Variants in GAK observed in about 807,000 individuals in gnomAD.
GAK encodes cyclin-G-associated kinase.
GAK carries 79 observed loss-of-function variants against 143.9 expected under a neutral mutation model. The observed-to-expected ratio is 0.55, with a 90% CI of 0.46 to 0.66. The LOEUF (loss-of-function observed/expected upper bound fraction) is 0.66, where lower values mean the gene tolerates loss of function less well. Among genes scored for constraint, GAK ranks in the 30% least tolerant of loss-of-function variants. GAK has a pLI of 0.00. For synonymous variants in GAK, 881 were observed against 765.5 expected (o/e 1.15, Z -2.49); for missense variants, 1,693 against 1,779.7 (o/e 0.95, Z 0.88).
At chr4:907,269 C>G (rs183777553) in intron 4 of GAK, among the ~76,000 whole-genome samples, 7 of 152,242 alleles carry the variant, frequency 4.6e-5, no homozygotes, top group African/African-American at 1.4e-4. Context: ...CCCACTCCCC[C>G]AGCTCTGCCG....
At chr4:911,877 A>T in intron 3 of GAK, 90 bp from the exon 4 acceptor site, 1 of 988,870 alleles carries the variant, frequency 1.0e-6, no homozygotes, top group Non-Finnish European at 1.6e-6. Flanking sequence ...TAACACACTG[A>T]AGTCAGAATA....
At chr4:880,417 G>A (rs1377802284) in intron 15 of GAK, among the ~76,000 whole-genome samples, 2 of 152,172 alleles carry the variant, frequency 1.3e-5, no homozygotes, top group East Asian at 1.9e-4. Flanking sequence ...TCTTTCTCTC[G>A]TCTCCTCCAT....
intron 11 of GAK, chr4:886,797 CAG>C (rs1359279902): frequency 6.6e-6 from 1 of 152,316 alleles, no homozygotes; most frequent in Non-Finnish European, 1.5e-5. Context: ...ACCAGACAGA[CAG>C]AGCTGCCTCT....
At chr4:923,927 G>C (rs759768695) in intron 1 of GAK, among the ~76,000 whole-genome samples, 11 of 152,170 alleles carry the variant, frequency 7.2e-5, no homozygotes, top group Non-Finnish European at 1.2e-4. Context: ...GCTCATGCCT[G>C]TAATCCCAGC....
At position 877,174 on chromosome 4, in the gene GAK, A is replaced by T; in HGVS notation, c.1890T>A (p.Ile630=). The change falls in exon 17 of 28, where the codon ATT becomes ATA. Residue 630 remains isoleucine, a synonymous_variant. Coordinates refer to ENST00000314167, the MANE Select transcript of GAK (RefSeq NM_005255.4). The part of the protein sequence containing the change: ...DFKIEDGKAV[I]PLGVTVQGDV... Reference sequence around the variant, plus strand: ...CTCCTTGCACCGTGACGCCCAGGGGAATCACCGCTTTGCCATCTTCAATCT... The same window carrying T: ...CTCCTTGCACCGTGACGCCCAGGGGTATCACCGCTTTGCCATCTTCAATCT... The T allele has an allele frequency of 6.2e-7, 1 of 1,613,868 alleles. No homozygotes were observed. The highest frequency in any genetic ancestry group is 1.7e-4 in the Middle Eastern group (1 of 6,060).
At chr4:879,932 C>G (rs1288087472) in intron 15 of GAK, among the ~76,000 whole-genome samples, 1 of 152,254 alleles carries the variant, frequency 6.6e-6, no homozygotes, top group African/African-American at 2.4e-5. Flanking sequence ...AAGGCGTTCT[C>G]ATTTCGGGGA....
At chr4:895,188 C>T (rs1360435584) in intron 7 of GAK, among the ~76,000 whole-genome samples, 1 of 152,182 alleles carries the variant, frequency 6.6e-6, no homozygotes, top group African/African-American at 2.4e-5. Context: ...GGGTGTAGGG[C>T]ACAGGGCAGA....
At position 876,658 on chromosome 4, in the gene GAK, C is replaced by T. The variant is rs768547922; in HGVS notation, c.1975-49G>A. On this transcript the variant is annotated intron_variant, in intron 17 of 27. Coordinates refer to ENST00000314167, the MANE Select transcript of GAK (RefSeq NM_005255.4). ...CCCCACGTGGAGGGTGAATCCAGAT[C>T]CTGGGGCCACAGGCCAATTTTTCCC... 7 of 1,558,592 alleles carry T rather than the reference C, an allele frequency of 4.5e-6. No homozygotes were observed. The South Asian group carries it at 5.6e-5, about 12-fold the overall frequency.
At chr4:849,833 G>GTGGGGGGGGGGGCCCCCCCCCCC in intron 27 of GAK, 59 bp from the exon 28 acceptor site, 1 of 1,190,156 alleles carries the variant, frequency 8.4e-7, no homozygotes, top group Non-Finnish European at 1.2e-6. Flanking sequence ...GGCGGGGCAG[G>GTGGGGGGGGGGGCCCCCCCCCCC]ACCCCCCCCC....
intron 18 of GAK, among the ~76,000 whole-genome samples, chr4:875,515 G>C (rs1223757220): frequency 6.6e-6 from 1 of 152,202 alleles, no homozygotes; most frequent in Non-Finnish European, 1.5e-5. Flanking sequence ...CTGGCCCAAG[G>C]CTTCCCTTTG....
At position 883,306 on chromosome 4, in the gene GAK, G is replaced by T. The variant is rs748568796; in HGVS notation, c.1404+9C>A. 5 of 1,612,774 alleles carry T rather than the reference G, an allele frequency of 3.1e-6. No individual in the cohort carries two copies. The highest frequency in any genetic ancestry group is 1.7e-5 in the Admixed American group (1 of 59,938). On this transcript the variant is annotated intron_variant, in intron 13 of 27. Transcript: ENST00000314167. The stretch of plus-strand genomic sequence containing the variant: ...GAGTGGCACCAAGACAAAGCCTGTG[G>T]CCACACACCCGGTTGTGGAACCTGG...
At chr4:906,670 C>T (rs1054615862) in intron 4 of GAK, among the ~76,000 whole-genome samples, 3 of 152,156 alleles carry the variant, frequency 2.0e-5, no homozygotes, top group Non-Finnish European at 4.4e-5. Context: ...TCTTTTCAGC[C>T]CCGTGCTCCT....
chr4:849,833 G>GTGCCC, intron 27 of GAK, 59 bp from the exon 28 acceptor site: 1 of 1,190,154 alleles, frequency 8.4e-7, no homozygotes, highest in Non-Finnish European at 1.2e-6. Flanking sequence ...GGCGGGGCAG[G>GTGCCC]ACCCCCCCCC....
At chr4:876,670 G>T in intron 17 of GAK, 61 bp from the exon 18 acceptor site, 1 of 1,488,936 alleles carries the variant, frequency 6.7e-7, no homozygotes, top group Non-Finnish European at 9.4e-7. Context: ...TGGGGCCACA[G>T]GCCAATTTTT....
At chr4:881,307 C>T (rs1206097694) in intron 15 of GAK, among the ~76,000 whole-genome samples, 1 of 152,206 alleles carries the variant, frequency 6.6e-6, no homozygotes, top group Non-Finnish European at 1.5e-5. Flanking sequence ...CTGCTCCAGC[C>T]TCACCAGGTC....
chr4:857,697 C>CG (rs1237020192), intron 24 of GAK, among the ~76,000 whole-genome samples: 1 of 152,178 alleles, frequency 6.6e-6, no homozygotes, highest in Non-Finnish European at 1.5e-5. Flanking sequence ...CCAGCAGCCC[C>CG]GGGAGAGGTC....
At chr4:929,802 T>C (rs538353313) in intron 1 of GAK, among the ~76,000 whole-genome samples, 11 of 152,190 alleles carry the variant, frequency 7.2e-5, no homozygotes, top group Non-Finnish European at 1.3e-4. Flanking sequence ...CTAAAAGCTA[T>C]GAAAACCATT....
intron 1 of GAK, among the ~76,000 whole-genome samples, chr4:914,677 A>ACG (rs1722762138): frequency 1.2e-5 from 1 of 82,348 alleles, no homozygotes; most frequent in Non-Finnish European, 2.3e-5. Context: ...CAGCGTGCAC[A>ACG]GCCCCACCCC....
chr4:870,999 C>T (rs1457841451), intron 18 of GAK, 95 bp from the exon 19 acceptor site: 5 of 1,107,066 alleles, frequency 4.5e-6, no homozygotes, highest in Non-Finnish European at 6.4e-6. Context: ...AAACAGGTGG[C>T]AGCTGCAGGC....
Sources: gnomAD v4.1 joint callset for allele counts (sites outside exome capture counted in the v4.1 genomes callset) on GRCh38, gnomAD v4.1.1 for gene constraint, MANE v1.5 for transcripts, NCBI Gene and HGNC (gene_info 2026-07-23, HGNC 2026-07-21) for gene names.